Variants in PKD1 observed in about 807,000 individuals in gnomAD.
PKD1 encodes the protein polycystin-1.
In PKD1, 81 loss-of-function variants were observed where a neutral mutation model predicts 361.7. The ratio of observed to expected loss-of-function variants is 0.22; its 90% CI spans 0.19 to 0.27. PKD1 has a LOEUF of 0.27. Among genes scored for constraint, PKD1 ranks in the 10% least tolerant of loss-of-function variants. The pLI, the probability that PKD1 is intolerant of heterozygous loss-of-function variation, is 1.00. For synonymous variants in PKD1, 3,615 were observed against 2,818.3 expected (o/e 1.28, Z -8.95); for missense variants, 6,399 against 6,118.3 (o/e 1.05, Z -1.53).
In PKD1 at chr16:2,090,753, C is replaced by T; in HGVS notation, c.12059G>A (p.Cys4020Tyr). ...CCCCAGGAGCTCTGGCAGAGCTCGGCATAATGTCTTGCCAAAGACGGACCA... is the reference window on the plus strand; with the variant it reads ...CCCCAGGAGCTCTGGCAGAGCTCGGTATAATGTCTTGCCAAAGACGGACCA... ...RQWSVFGKTLCRALPELLGVT... is the reference protein window; with the variant it reads ...RQWSVFGKTLYRALPELLGVT... The change falls in exon 44 of 46, where the codon TGC becomes TAC. Residue 4020 changes from cysteine (C) to tyrosine (Y), a missense_variant. Physicochemically the swap from Cys to Tyr is radical, Grantham distance 194. Transcript: ENST00000262304. 6.2e-7 allele frequency: 1 copy of T among 1,612,678 alleles called. No homozygotes were observed. Among genetic ancestry groups the T allele is most frequent in the Non-Finnish European group, 8.5e-7 (1 of 1,179,962 alleles).
rs1189882344 is a variant in PKD1 at position 2,091,326 on chromosome 16, G to GACGCT, written c.11712+96_11712+97insAGCGT. ...GGGGCGGGACGCTGCGAGGGGGCGGGGCGCTGCGAGGGGTGAGACGCTGCC... is the reference window on the plus strand; with the variant it reads ...GGGGCGGGACGCTGCGAGGGGGCGGGACGCTGCGCTGCGAGGGGTGAGACGCTGCC... On this transcript the variant is annotated intron_variant, in intron 42 of 45. Coordinates refer to ENST00000262304, the MANE Select transcript of PKD1 (RefSeq NM_001009944.3). 73 of 542,538 alleles carry GACGCT rather than the reference G, an allele frequency of 1.3e-4. 1 individual carries two copies. In the Admixed American group the frequency reaches 1.6e-3, roughly 12 times the overall value. The allele number at this position is 542,538 out of a possible 1,614,324, so 33.6% of individuals were successfully genotyped here. A position where few individuals can be genotyped will look rare whatever the true frequency, so the allele number is the denominator to read the frequency against.
rs2092065686 is a variant in PKD1 at position 2,100,813 on chromosome 16, C to T, written c.9398-247G>A. The T allele has an allele frequency of 5.5e-6, 3 of 549,770 alleles. No homozygotes were observed. The highest frequency in any genetic ancestry group is 3.1e-5 in the Admixed American group (1 of 32,672). 34.1% of individuals were successfully genotyped at this position (549,770 alleles called of 1,614,324 possible). ...AACTTGTGACATGCAAACATGGCTG[C>T]ACACGCCTCAGTCCACACCACAACC... On this transcript the variant is annotated intron_variant, in intron 26 of 45. Coordinates refer to ENST00000262304, the MANE Select transcript of PKD1 (RefSeq NM_001009944.3). The surrounding 1 kb of genome is among the most constrained non-coding windows in gnomAD (Gnocchi z 4.4).
rs9925969 is a variant in PKD1 at position 2,102,386 on chromosome 16, A to T, written c.9196T>A (p.Phe3066Ile). The T allele has an allele frequency of 6.4e-7, 1 of 1,555,360 alleles. No homozygotes were observed. The highest frequency in any genetic ancestry group is 8.7e-7 in the Non-Finnish European group (1 of 1,150,402). Residue 3066 changes from phenylalanine to isoleucine, a missense_variant, in exon 25 of 46, where the codon TTT becomes ATT. Phe to Ile is a conservative substitution (Grantham distance 21). Transcript: ENST00000262304. ...FVPPSHVRFV[F>I]PEPTADVNYI... ...AGGAGCACAGGGTCACTCACAGGAA[A>T]CACAAAGCGGACATGGCTTGGGGGC... is the stretch of plus-strand genomic sequence containing the variant.
At chr16:2,135,128 C>G (rs2092935295) in intron 1 of PKD1, 1 of 977,034 alleles carries the variant, frequency 1.0e-6, no homozygotes, top group Non-Finnish European at 1.2e-6. Flanking sequence ...CTACAGCCAT[C>G]CCCACCTCTC....
In PKD1 at chr16:2,089,305, G is replaced by A. The variant is rs921828318; in HGVS notation, c.*422C>T. 1.2e-5 allele frequency: 3 copies of A among 243,540 alleles called. No homozygotes were observed. The highest frequency in any genetic ancestry group is 2.4e-5 in the Non-Finnish European group (3 of 125,856). 15.1% of individuals were successfully genotyped at this position (243,540 alleles called of 1,614,324 possible). A position where few individuals can be genotyped will look rare whatever the true frequency, so the allele number is the denominator to read the frequency against. ...ACTGACACGAGACACACAGTGAGAC[G>A]GTGCAGGGAGTACGGTAGGAACTGG... On this transcript the variant is annotated 3_prime_UTR_variant, in exon 46 of 46. Coordinates refer to ENST00000262304, the MANE Select transcript of PKD1 (RefSeq NM_001009944.3).
chr16:2,090,777 C>T lies in PKD1; in HGVS notation c.12035G>A (p.Trp4012Ter), dbSNP rs777269070. The T allele has an allele frequency of 1.2e-6, 2 of 1,612,614 alleles. No homozygotes were observed. The highest frequency in any genetic ancestry group is 2.2e-5 in the East Asian group (1 of 44,880). The change falls in exon 44 of 46, where the codon TGG (tryptophan) becomes TAG (stop). Residue 4012 changes from tryptophan to a stop codon, truncating the protein, a stop_gained. Coordinates refer to ENST00000262304, the MANE Select transcript of PKD1 (RefSeq NM_001009944.3). LOFTEE classifies it high-confidence loss of function. The stretch of plus-strand genomic sequence containing the variant: ...GCATAATGTCTTGCCAAAGACGGAC[C>T]ACTGGCGCACGAAGCGTAGCTGCTG... ...AAQQLRFVRQ[W>*]SVFGKTLCRA... is the part of the protein sequence containing the mutation.
At position 2,109,050 on chromosome 16, in the gene PKD1, C is replaced by G; in HGVS notation, c.6117G>C (p.Gln2039His). The G allele has an allele frequency of 6.2e-7, 1 of 1,607,594 alleles. No individual in the cohort carries two copies. The change falls in exon 15 of 46, where the codon CAG (glutamine) becomes CAC (histidine). Residue 2039 changes from glutamine to histidine, a missense_variant. Coordinates refer to ENST00000262304, the MANE Select transcript of PKD1 (RefSeq NM_001009944.3). ...TGCCCAGGGCGTTGAAGGCGCGCACCTGGATCTCCAACAGCCCCGCGGCCA... is the reference window on the plus strand; with the variant it reads ...TGCCCAGGGCGTTGAAGGCGCGCACGTGGATCTCCAACAGCCCCGCGGCCA... ...TPVAAGLLEI[Q>H]VRAFNALGSE...
At chr16:2,107,351 G>C (rs1231866178) in intron 16 of PKD1, 8 of 373,822 alleles carry the variant, frequency 2.1e-5, no homozygotes, top group African/African-American at 4.2e-5. Context: ...AGCTGGGATG[G>C]AACCTGCTCC....
chr16:2,091,127 A>G lies in PKD1; in HGVS notation c.11760T>C (p.Arg3920=), dbSNP rs1329008975. 4 of 1,485,612 alleles carry G rather than the reference A, an allele frequency of 2.7e-6. No homozygotes were observed. The highest frequency in any genetic ancestry group is 2.2e-5 in the Admixed American group (1 of 45,098). The allele number at this position is 1,485,612 out of a possible 1,614,324, so 92.0% of individuals were successfully genotyped here. A position where few individuals can be genotyped will look rare whatever the true frequency, so the allele number is the denominator to read the frequency against. The change falls in exon 43 of 46, where the codon CGT becomes CGC. Residue 3920 remains arginine (R), a synonymous_variant. Coordinates refer to ENST00000262304, the MANE Select transcript of PKD1 (RefSeq NM_001009944.3). ...GCCAGCGCCCTTCCCTGTGCCAAGT[A>G]CGGGCCTCGGCCACGGCGAAGTGCA... ...FAVHFAVAEA[R]TWHREGRWRV...
In PKD1 at chr16:2,097,814, C is replaced by T. The variant is rs183682478; in HGVS notation, c.10168-34G>A. 1.1e-4 allele frequency: 181 copies of T among 1,611,182 alleles called. No individual in the cohort carries two copies. The East Asian group carries it at 2.6e-3, about 23-fold the overall frequency. Reference sequence around the variant, plus strand: ...TGCACAGTGTCTTGAGTCCAAGCTGCGCCAAGGCGGCAGGACCCCCAGCCC... The same window carrying T: ...TGCACAGTGTCTTGAGTCCAAGCTGTGCCAAGGCGGCAGGACCCCCAGCCC... On this transcript the variant is annotated intron_variant, in intron 31 of 45. Coordinates refer to ENST00000262304, the MANE Select transcript of PKD1 (RefSeq NM_001009944.3).
At chr16:2,120,380 A>T (rs1217435434) in intron 1 of PKD1, 1 of 153,116 alleles carries the variant, frequency 6.5e-6, no homozygotes, top group Non-Finnish European at 1.5e-5. Flanking sequence ...GGCCAAAAAT[A>T]CCCTCCTGAC....
rs542351319 is a variant in PKD1 at position 2,112,553 on chromosome 16, C to T, written c.3162-80G>A. On this transcript the variant is annotated intron_variant, in intron 13 of 45. Coordinates refer to ENST00000262304, the MANE Select transcript of PKD1 (RefSeq NM_001009944.3). Reference sequence around the variant, plus strand: ...GGGCAGGGGGTGCTTGGGACCCAGCCGAGGCTCCACTCTGCAGTCACGCCC... The same window carrying T: ...GGGCAGGGGGTGCTTGGGACCCAGCTGAGGCTCCACTCTGCAGTCACGCCC... 2,790 of 1,320,072 alleles carry T rather than the reference C, an allele frequency of 2.1e-3. 46 individuals are homozygous for T. Among genetic ancestry groups the T allele is most frequent in the East Asian group, 8.2e-3 (331 of 40,362 alleles). 81.8% of individuals were successfully genotyped at this position (1,320,072 alleles called of 1,614,324 possible).
Position 2,091,720 on chromosome 16 carries a change from G to A in PKD1, c.11537+61C>T, listed in dbSNP as rs974900344. On this transcript the variant is annotated intron_variant, in intron 41 of 45. Coordinates refer to ENST00000262304, the MANE Select transcript of PKD1 (RefSeq NM_001009944.3). ...AGGCCAGCGGGGGCCGGAGGAGTGAGGGTGGGCTCCTGGCTGGTGACTGCG... is the reference window on the plus strand; with the variant it reads ...AGGCCAGCGGGGGCCGGAGGAGTGAAGGTGGGCTCCTGGCTGGTGACTGCG... 6.9e-6 allele frequency: 11 copies of A among 1,594,462 alleles called. No homozygotes were observed. The Admixed American group carries it at 6.9e-5, about 10-fold the overall frequency.
chr16:2,102,098 G>A lies in PKD1; in HGVS notation c.9360C>T (p.Tyr3120=), dbSNP rs983374570. ...CCCAGCCTGTCTTGACGAGGATCTCGTACTTGAAGCGGCCCCGCTGCCCAC... is the reference window on the plus strand; with the variant it reads ...CCCAGCCTGTCTTGACGAGGATCTCATACTTGAAGCGGCCCCGCTGCCCAC... The part of the protein sequence containing the change: ...PFCGQRGRFK[Y]EILVKTGWGR... Residue 3120 remains tyrosine, a synonymous_variant, in exon 26 of 46, where the codon TAC becomes TAT. Coordinates refer to ENST00000262304, the MANE Select transcript of PKD1 (RefSeq NM_001009944.3). 1.7e-5 allele frequency: 27 copies of A among 1,572,484 alleles called. No individual in the cohort carries two copies. The highest frequency in any genetic ancestry group is 2.8e-5 in the African/African-American group (2 of 70,762).
rs558936775 is a variant in PKD1 at position 2,119,655 on chromosome 16, G to A, written c.216-277C>T. On this transcript the variant is annotated intron_variant, in intron 1 of 45. Transcript: ENST00000262304. ...GGACCTGTCCACCCAGGGCCAGGAA[G>A]GGCACGGACCCCCAACCCATCCCAC... 2.3e-4 allele frequency: 140 copies of A among 615,518 alleles called. No homozygotes were observed. In the African/African-American group the frequency reaches 2.5e-3, roughly 11 times the overall value. 38.1% of individuals were successfully genotyped at this position (615,518 alleles called of 1,614,324 possible).
intron 1 of PKD1, chr16:2,120,382 C>A (rs975737794): frequency 6.5e-6 from 1 of 153,072 alleles, no homozygotes; most frequent in African/African-American, 2.4e-5. Context: ...CCAAAAATAC[C>A]CTCCTGACAC....
At chr16:2,117,121 C>T (rs191241541) in intron 6 of PKD1, 68 bp from the exon 7 acceptor site, 10,853 of 739,654 alleles carry the variant, frequency 0.015, 461 homozygotes, top group African/African-American at 0.11. Flanking sequence ...CACAGCAGCC[C>T]GCTGGGAGCC....
chr16:2,121,692 C>T (rs1292797208), intron 1 of PKD1, among the ~76,000 whole-genome samples: 3 of 152,100 alleles, frequency 2.0e-5, no homozygotes, highest in Non-Finnish European at 4.4e-5. Flanking sequence ...GTCACTCTGC[C>T]GCCCACCCTG....
In PKD1 at chr16:2,103,697, C is replaced by T. The variant is rs556480600; in HGVS notation, c.8360G>A (p.Arg2787His). 99 of 1,609,908 alleles carry T rather than the reference C, an allele frequency of 6.1e-5. No homozygotes were observed. Among genetic ancestry groups the T allele is most frequent in the Middle Eastern group, 2.3e-4 (1 of 4,428 alleles). The change falls in exon 23 of 46, where the codon CGC (arginine) becomes CAC (histidine). Residue 2787 changes from arginine (R) to histidine (H), a missense_variant. By Grantham distance (29) the Arg-to-His change is conservative. Transcript: ENST00000262304. ...GCACAGCAGGCTCCGCGGGTCCGAG[C>T]GCTTGCCCTGGGCCACGATCTCCTC... ...AGEEIVAQGK[R>H]SDPRSLLCYG... is the part of the protein sequence containing the mutation.
Sources: gnomAD v4.1 joint callset for allele counts (sites outside exome capture counted in the v4.1 genomes callset) on GRCh38, gnomAD v4.1.1 for gene constraint, Gnocchi (gnomAD v3.1) non-coding constraint, MANE v1.5 for transcripts, NCBI Gene and HGNC (gene_info 2026-07-23, HGNC 2026-07-21) for gene names.